The following FSD1L variants were observed in gnomAD, a reference collection of about 807,000 sequenced individuals.
FSD1L encodes the protein FSD1-like protein.
FSD1L carries 45 observed loss-of-function variants against 71.6 expected under a neutral mutation model. That is an observed-to-expected ratio of 0.63 (90% CI 0.49 to 0.81). FSD1L has a LOEUF of 0.81. Among genes scored for constraint, FSD1L ranks in the 30% least tolerant of loss-of-function variants. The probability of loss-of-function intolerance (pLI) is 0.00; values close to 1 mark genes in which losing one functional copy is unlikely to be tolerated. For missense variants in FSD1L, 561 were observed against 618.1 expected, an observed-to-expected ratio of 0.91 and a Z score of 0.98; for synonymous variants, 197 against 207.2, an observed-to-expected ratio of 0.95 and a Z score of 0.42.
intron 10 of FSD1L, among the ~76,000 whole-genome samples, chr9:105,532,557 C>G (rs144582373): frequency 2.9e-4 from 44 of 152,210 alleles, no homozygotes; most frequent in African/African-American, 9.9e-4. Context: ...AACAACTATT[C>G]TGGAATTTTC....
At chr9:105,448,022 C>T (rs1829723430), upstream of FSD1L, 1 of 611,240 alleles carries the variant, frequency 1.6e-6, no homozygotes, top group South Asian at 2.0e-5. Flanking sequence ...CCCCTCCCTT[C>T]TGCGGGCCGC....
At position 105,548,149 on chromosome 9, in the gene FSD1L, G is replaced by T. The variant is rs1364259620; in HGVS notation, c.*1666G>T. The T allele has an allele frequency of 6.6e-6, 1 of 152,094 alleles. No individual in the cohort carries two copies. Among genetic ancestry groups the T allele is most frequent in the Non-Finnish European group, 1.5e-5 (1 of 67,972 alleles). 9.4% of individuals were successfully genotyped at this position (152,094 alleles called of 1,614,324 possible). A position where few individuals can be genotyped will look rare whatever the true frequency, so the allele number is the denominator to read the frequency against. ...TGGTAATTTTAAAGACTGCAAGGCA[G>T]TTTAGAGAATGAAGTAAACCAATAG... On this transcript the variant is annotated 3_prime_UTR_variant, in exon 14 of 14. Transcript: ENST00000481272.
chr9:105,519,855 G>A (rs1031821251), intron 10 of FSD1L, among the ~76,000 whole-genome samples: 1 of 152,146 alleles, frequency 6.6e-6, no homozygotes, highest in Non-Finnish European at 1.5e-5. Context: ...GGCGGCAGGC[G>A]GCCAGCCCGG....
At chr9:105,489,052 C>T (rs548695617) in intron 7 of FSD1L, among the ~76,000 whole-genome samples, 49 of 151,940 alleles carry the variant, frequency 3.2e-4, no homozygotes, top group Non-Finnish European at 6.0e-4. Flanking sequence ...TTGAGAAAAG[C>T]ATTAAGATTA....
intron 10 of FSD1L, among the ~76,000 whole-genome samples, chr9:105,514,302 C>T (rs1333173507): frequency 6.6e-6 from 1 of 152,154 alleles, no homozygotes; most frequent in Non-Finnish European, 1.5e-5. Flanking sequence ...TATGAGTAGA[C>T]TACATATTTA....
At chr9:105,530,446 T>C in intron 10 of FSD1L, 1 of 533,188 alleles carries the variant, frequency 1.9e-6, no homozygotes, top group Non-Finnish European at 3.3e-6. Context: ...ACTGCCAATG[T>C]CAATAGTTAT....
At chr9:105,504,912 A>G (rs988738114) in intron 7 of FSD1L, among the ~76,000 whole-genome samples, 6 of 152,226 alleles carry the variant, frequency 3.9e-5, no homozygotes, top group South Asian at 2.1e-4. Context: ...AGAATTGAGC[A>G]TGATAATACA....
Position 105,551,055 on chromosome 9 carries a change from G to A in FSD1L, c.*4572G>A, listed in dbSNP as rs1837242649. 6.6e-6 allele frequency: 1 copy of A among 151,980 alleles called. No homozygotes were observed. Among genetic ancestry groups the A allele is most frequent in the Non-Finnish European group, 1.5e-5 (1 of 67,914 alleles). 9.4% of individuals were successfully genotyped at this position (151,980 alleles called of 1,614,324 possible). On this transcript the variant is annotated 3_prime_UTR_variant, in exon 14 of 14. Coordinates refer to ENST00000481272, the MANE Select transcript of FSD1L (RefSeq NM_001145313.3). ...ATAGTAAGTGGTAAAACACATTTTT[G>A]TTAGTATTGGAACTTTCTGGAGAAC...
In FSD1L at chr9:105,480,010, T is replaced by G. The variant is rs76684442; in HGVS notation, c.464+634T>G. On this transcript the variant is annotated intron_variant, in intron 6 of 13. Coordinates refer to ENST00000481272, the MANE Select transcript of FSD1L (RefSeq NM_001145313.3). ...ATTTAGTACTTGTAATGAACATAGA[T>G]TGCTAAAGGAGTTGCTGGCAACATT... Among the ~76,000 whole-genome samples the G allele has an allele frequency of 9.2e-3, 1,402 of 152,306 alleles. 22 individuals are homozygous for G. Among genetic ancestry groups the G allele is most frequent in the African/African-American group, 0.032 (1,343 of 41,556 alleles).
chr9:105,506,558 G>A lies in FSD1L; in HGVS notation c.746G>A (p.Arg249Gln), dbSNP rs747287968. Residue 249 changes from arginine to glutamine, a missense_variant, in exon 8 of 14, where the codon CGA becomes CAA. Arg to Gln is a conservative substitution (Grantham distance 43). Coordinates refer to ENST00000481272, the MANE Select transcript of FSD1L (RefSeq NM_001145313.3). ...FDGLPRVKDE[R>Q]CWEIIDNIKG... is the part of the protein sequence containing the mutation. ...GGACTTCCACGTGTAAAGGATGAGC[G>A]ATGCTGGGAGATAATTGATAATATT... The A allele has an allele frequency of 1.7e-5, 27 of 1,551,004 alleles. No homozygotes were observed. The highest frequency in any genetic ancestry group is 1.6e-4 in the African/African-American group (12 of 72,998).
At chr9:105,472,454 T>C (rs1166662724) in intron 5 of FSD1L, 1 of 154,344 alleles carries the variant, frequency 6.5e-6, no homozygotes, top group African/African-American at 2.4e-5. Context: ...GATCCTGGTG[T>C]TTAAGTGATT....
chr9:105,450,541 T>TTC (rs1350908829), intron 1 of FSD1L, among the ~76,000 whole-genome samples: 6 of 151,978 alleles, frequency 3.9e-5, no homozygotes, highest in Admixed American at 2.0e-4. Context: ...GTTCTTTTTT[T>TTC]TTTTTTTTTG....
chr9:105,481,844 C>T (rs1246605408), intron 6 of FSD1L, among the ~76,000 whole-genome samples: 2 of 151,770 alleles, frequency 1.3e-5, no homozygotes, highest in Non-Finnish European at 2.9e-5. Flanking sequence ...ACAATCACAG[C>T]TTACTGCAGC....
intron 12 of FSD1L, 97 bp downstream of exon 12, chr9:105,535,415 G>C: frequency 7.8e-7 from 1 of 1,284,330 alleles, no homozygotes; most frequent in Non-Finnish European, 1.1e-6. Flanking sequence ...TTAGTATTGT[G>C]GGAAGGACAT....
rs1837057356 is a variant in FSD1L, at chr9:105,547,196, GTTC to G, written c.*716_*718del. On this transcript the variant is annotated 3_prime_UTR_variant, in exon 14 of 14. Coordinates refer to ENST00000481272, the MANE Select transcript of FSD1L (RefSeq NM_001145313.3). ...TTATATGTTGCCTTGTTTAACTACAGTTCTTTTCATTCCATCACTTTAGGTGAT... is the reference window on the plus strand; with the variant it reads ...TTATATGTTGCCTTGTTTAACTACAGTTTTCATTCCATCACTTTAGGTGAT... 1 of 152,398 alleles carries G rather than the reference GTTC, an allele frequency of 6.6e-6. No homozygotes were observed. Among genetic ancestry groups the G allele is most frequent in the African/African-American group, 2.4e-5 (1 of 41,392 alleles). The allele number at this position is 152,398 out of a possible 1,614,324, so 9.4% of individuals were successfully genotyped here.
At chr9:105,484,305 T>C in intron 6 of FSD1L, 76 bp from the exon 7 acceptor site, 1 of 1,154,400 alleles carries the variant, frequency 8.7e-7, no homozygotes, top group Non-Finnish European at 1.2e-6. Flanking sequence ...TAATTTGTCT[T>C]TTCATTTTAT....
intron 1 of FSD1L, among the ~76,000 whole-genome samples, chr9:105,452,459 A>C (rs991094520): frequency 3.0e-4 from 45 of 152,236 alleles, no homozygotes; most frequent in African/African-American, 9.6e-4. Flanking sequence ...TCTGGATTCA[A>C]GTCAAGTTTT....
chr9:105,539,026 C>T lies in FSD1L; in HGVS notation c.1379-237C>T, dbSNP rs77372899. Among the ~76,000 whole-genome samples, 1,171 of 152,096 alleles carry T rather than the reference C, an allele frequency of 7.7e-3. 8 individuals are homozygous for T. The highest frequency in any genetic ancestry group is 9.5e-3 in the Non-Finnish European group (648 of 67,998). ...ATAGTTTGTATTAAATAAGTCGAAT[C>T]GTGCTAGATTATAGAGGTATTATAG... is the stretch of plus-strand genomic sequence containing the variant. On this transcript the variant is annotated intron_variant, in intron 12 of 13. Transcript: ENST00000481272.
At chr9:105,534,999 G>A in intron 11 of FSD1L, 68 bp from the exon 12 acceptor site, 1 of 1,479,934 alleles carries the variant, frequency 6.8e-7, no homozygotes, top group Non-Finnish European at 9.2e-7. Context: ...TTTGGGACGA[G>A]TGGTAGGTAA....
Sources: gnomAD v4.1 joint callset for allele counts (sites outside exome capture counted in the v4.1 genomes callset) on GRCh38, gnomAD v4.1.1 for gene constraint, MANE v1.5 for transcripts, NCBI Gene and HGNC (gene_info 2026-07-23, HGNC 2026-07-21) for gene names.